Variants in FAM193A observed in about 807,000 individuals in gnomAD.
FAM193A encodes the protein family with sequence similarity 193 member A.
Under a neutral mutation model 126.5 loss-of-function variants are expected in FAM193A, and 22 were observed. That is an observed-to-expected ratio of 0.17 (90% confidence interval 0.12 to 0.25). The LOEUF is 0.25. Among genes scored for constraint, FAM193A ranks in the 10% least tolerant of loss-of-function variants. The probability of loss-of-function intolerance (pLI) is 1.00; values close to 1 mark genes in which losing one functional copy is unlikely to be tolerated. For synonymous variants in FAM193A, 761 were observed against 646.8 expected, an observed-to-expected ratio of 1.18 and a Z score of -2.68; for missense variants, 1,675 against 1,672.8, an observed-to-expected ratio of 1.00 and a Z score of -0.02.
chr4:2,649,251 G>A (rs947931805), intron 7 of FAM193A, among the ~76,000 whole-genome samples: 1 of 151,656 alleles, frequency 6.6e-6, no homozygotes, highest in African/African-American at 2.4e-5. Flanking sequence ...CCGTGTGTTT[G>A]TGGTTCCGGC....
At chr4:2,704,394 G>A (rs145883405) in intron 19 of FAM193A, among the ~76,000 whole-genome samples, 107 of 152,062 alleles carry the variant, frequency 7.0e-4, no homozygotes, top group African/African-American at 2.6e-3. Context: ...GTGGAACCCT[G>A]TCTCTACTAA....
Position 2,695,063 on chromosome 4 carries a change from C to A in FAM193A, c.3210C>A (p.Thr1070=). ...SCSEHSSSTS[T]STNQKEGKYC... ...CTGAGCACAGCTCCAGCACCTCGAC[C>A]TCCACCAACCAGAAGGAGGGCAAGT... The change falls in exon 17 of 21, where the codon ACC becomes ACA. Residue 1070 remains threonine (T), a synonymous_variant. Transcript: ENST00000637812. 1 of 1,609,464 alleles carries A rather than the reference C, an allele frequency of 6.2e-7. No individual in the cohort carries two copies.
At chr4:2,620,186 T>C (rs1394188813) in intron 2 of FAM193A, among the ~76,000 whole-genome samples, 5 of 152,216 alleles carry the variant, frequency 3.3e-5, no homozygotes, top group African/African-American at 4.8e-5. Flanking sequence ...AGTGCTATAA[T>C]GGGACACATT....
At chr4:2,713,104 C>CAA (rs529104464) in intron 19 of FAM193A, among the ~76,000 whole-genome samples, 1,331 of 77,346 alleles carry the variant, frequency 0.017, 30 homozygotes, top group African/African-American at 0.057. Flanking sequence ...GACTCTGCTT[C>CAA]AAAAAAAAAA....
chr4:2,712,465 C>T (rs778917566), intron 19 of FAM193A, among the ~76,000 whole-genome samples: 6 of 152,112 alleles, frequency 3.9e-5, no homozygotes, highest in African/African-American at 7.2e-5. Context: ...TTTGTGCCTG[C>T]GGCCTAAGTC....
chr4:2,662,762 C>A, intron 10 of FAM193A, 76 bp from the exon 11 acceptor site: 1 of 1,138,190 alleles, frequency 8.8e-7, no homozygotes. Context: ...CAGGAAATAT[C>A]TGTGCTTAGT....
At chr4:2,665,660 C>A (rs1047872519) in intron 12 of FAM193A, among the ~76,000 whole-genome samples, 2 of 152,104 alleles carry the variant, frequency 1.3e-5, no homozygotes, top group African/African-American at 4.8e-5. Flanking sequence ...AGGTGTATTA[C>A]AACTACAGGC....
intron 1 of FAM193A, among the ~76,000 whole-genome samples, chr4:2,565,274 T>A (rs1386107331): frequency 2.2e-5 from 2 of 90,892 alleles, no homozygotes; most frequent in African/African-American, 9.2e-5. Flanking sequence ...TTTTTTTTTT[T>A]TTAAAAGATG....
At chr4:2,540,967 C>T (rs1265174139) in intron 1 of FAM193A, among the ~76,000 whole-genome samples, 1 of 138,834 alleles carries the variant, frequency 7.2e-6, no homozygotes, top group Non-Finnish European at 1.5e-5. Flanking sequence ...TCTCAAAATC[C>T]GTCTCAAAAA....
intron 12 of FAM193A, among the ~76,000 whole-genome samples, chr4:2,667,640 A>AT (rs1713274113): frequency 1.3e-5 from 2 of 151,984 alleles, no homozygotes; most frequent in African/African-American, 4.8e-5. Flanking sequence ...GTGTACATGT[A>AT]TTTTTTCATC....
chr4:2,565,521 G>T (rs1180120150), intron 1 of FAM193A, among the ~76,000 whole-genome samples: 1 of 152,074 alleles, frequency 6.6e-6, no homozygotes, highest in Non-Finnish European at 1.5e-5. Context: ...CTCCCAGAGT[G>T]CTGGGATTAC....
chr4:2,593,926 A>G (rs1391196378), intron 1 of FAM193A, among the ~76,000 whole-genome samples: 1 of 151,732 alleles, frequency 6.6e-6, no homozygotes, highest in African/African-American at 2.4e-5. Flanking sequence ...ATGGAAAAAT[A>G]CATGGATTCT....
In FAM193A at chr4:2,655,828, G is replaced by A. The variant is rs565105945; in HGVS notation, c.1312-1975G>A. On this transcript the variant is annotated intron_variant, in intron 7 of 20. Coordinates refer to ENST00000637812, the MANE Select transcript of FAM193A (RefSeq NM_001366318.2). ...TGCCTGTGGTCCTAGCTACTTGGGA[G>A]GCTGAGGTGGGAGGATCATAGGCCC... is the stretch of plus-strand genomic sequence containing the variant. Among the ~76,000 whole-genome samples the A allele has an allele frequency of 1.5e-3, 233 of 152,320 alleles. 1 individual carries two copies. Among genetic ancestry groups the A allele is most frequent in the African/African-American group, 5.5e-3 (227 of 41,568 alleles).
At chr4:2,610,087 T>G (rs1323879945) in intron 2 of FAM193A, among the ~76,000 whole-genome samples, 1 of 149,116 alleles carries the variant, frequency 6.7e-6, no homozygotes, top group East Asian at 2.0e-4. Context: ...CAAAAATTAG[T>G]TGGGCTTGGT....
chr4:2,675,794 ACT>A (rs553912917), intron 13 of FAM193A, among the ~76,000 whole-genome samples: 60 of 151,836 alleles, frequency 4.0e-4, no homozygotes, highest in Non-Finnish European at 7.5e-4. Flanking sequence ...TTAAACAATA[ACT>A]CCACTTCTCC....
intron 6 of FAM193A, among the ~76,000 whole-genome samples, chr4:2,643,850 CAG>C (rs1048122427): frequency 3.9e-5 from 6 of 152,136 alleles, no homozygotes; most frequent in African/African-American, 1.4e-4. Flanking sequence ...GTGTTTCTAT[CAG>C]GGGGTGCATC....
At chr4:2,574,180 G>T (rs754371800) in intron 1 of FAM193A, among the ~76,000 whole-genome samples, 2 of 152,080 alleles carry the variant, frequency 1.3e-5, no homozygotes, top group Admixed American at 6.6e-5. Flanking sequence ...TGTGGTGTCA[G>T]TGTGGGGTGT....
intron 2 of FAM193A, among the ~76,000 whole-genome samples, chr4:2,599,921 G>C (rs1175892798): frequency 6.7e-6 from 1 of 148,928 alleles, no homozygotes; most frequent in Non-Finnish European, 1.5e-5. Context: ...TTTTTTTAGA[G>C]ACACAGTCTC....
At chr4:2,585,405 G>C (rs1022046449) in intron 1 of FAM193A, among the ~76,000 whole-genome samples, 2 of 152,028 alleles carry the variant, frequency 1.3e-5, no homozygotes, top group Non-Finnish European at 2.9e-5. Flanking sequence ...CTAATTTTTT[G>C]TTTCAGCCTC....
Sources: allele counts gnomAD v4.1 joint callset (sites outside exome capture counted in the v4.1 genomes callset), GRCh38; gene constraint gnomAD v4.1.1; transcripts MANE v1.5; gene names NCBI Gene and HGNC (gene_info 2026-07-23, HGNC 2026-07-21).